APPBP2: variants seen among roughly 807,000 people sequenced by gnomAD.
APPBP2 encodes amyloid protein-binding protein 2.
Under a neutral mutation model 76.0 loss-of-function variants are expected in APPBP2, and 15 were observed. That is an observed-to-expected ratio of 0.20 (90% CI 0.13 to 0.30). The LOEUF is 0.30. Ranked by LOEUF, APPBP2 falls within the 10% of genes least tolerant of loss-of-function variation. The pLI is 1.00. For synonymous variants in APPBP2, 222 were observed against 242.2 expected (o/e 0.92, Z 0.77); for missense variants, 401 against 687.2 (o/e 0.58, Z 4.66).
chr17:60,522,138 TTC>T (rs554931187), intron 1 of APPBP2, among the ~76,000 whole-genome samples: 11 of 152,070 alleles, frequency 7.2e-5, no homozygotes, highest in African/African-American at 2.7e-4. Context: ...TTGTGTAGGG[TTC>T]TGATTTTTAT....
chr17:60,448,040 G>A (rs552990702), intron 12 of APPBP2, among the ~76,000 whole-genome samples: 3 of 152,184 alleles, frequency 2.0e-5, no homozygotes, highest in African/African-American at 4.8e-5. Flanking sequence ...AAATTTTCTC[G>A]TCTAAAGAAG....
At chr17:60,485,277 G>C (rs1044465484) in intron 3 of APPBP2, among the ~76,000 whole-genome samples, 4 of 152,194 alleles carry the variant, frequency 2.6e-5, no homozygotes, top group African/African-American at 9.6e-5. Context: ...AGAAGGAATG[G>C]TACCAGCTCC....
rs370656800 is a variant in APPBP2 at position 60,479,292 on chromosome 17, A to T, written c.380-21T>A. The stretch of plus-strand genomic sequence containing the variant: ...GCCACCTAAAAAAATAAGAAACACC[A>T]ATTTTAGAAAACTTGATAAATAGCC... On this transcript the variant is annotated intron_variant, in intron 3 of 12. Transcript: ENST00000083182. 109 of 1,582,986 alleles carry T rather than the reference A, an allele frequency of 6.9e-5. 1 individual carries two copies. Among genetic ancestry groups the T allele is most frequent in the Non-Finnish European group, 9.0e-5 (106 of 1,171,432 alleles).
At chr17:60,458,770 G>GTT (rs1039631344) in intron 9 of APPBP2, among the ~76,000 whole-genome samples, 1 of 140,836 alleles carries the variant, frequency 7.1e-6, no homozygotes. Flanking sequence ...AGAAGTTCTG[G>GTT]TTTTTTTTTT....
intron 1 of APPBP2, among the ~76,000 whole-genome samples, chr17:60,519,461 T>G (rs1335775351): frequency 6.6e-6 from 1 of 151,906 alleles, no homozygotes; most frequent in Non-Finnish European, 1.5e-5. Flanking sequence ...AAAAAATTTT[T>G]AAGGTTTTTT....
At chr17:60,498,669 A>G (rs2090797168) in intron 2 of APPBP2, among the ~76,000 whole-genome samples, 1 of 152,220 alleles carries the variant, frequency 6.6e-6, no homozygotes. Context: ...GGGAAAAAAA[A>G]GCCAGACACA....
chr17:60,465,402 A>G (rs563088988), intron 5 of APPBP2, among the ~76,000 whole-genome samples: 4 of 152,312 alleles, frequency 2.6e-5, no homozygotes, highest in South Asian at 2.1e-4. Context: ...TCATCAAACC[A>G]TGTCTGTAAG....
chr17:60,481,414 G>A (rs1349440664), intron 3 of APPBP2, among the ~76,000 whole-genome samples: 1 of 152,150 alleles, frequency 6.6e-6, no homozygotes, highest in African/African-American at 2.4e-5. Flanking sequence ...AACACAGTGA[G>A]ACCCTGTCTC....
intron 1 of APPBP2, among the ~76,000 whole-genome samples, chr17:60,508,425 T>C (rs984965853): frequency 1.3e-5 from 2 of 151,960 alleles, no homozygotes; most frequent in African/African-American, 2.4e-5. Flanking sequence ...TTTGGATAAA[T>C]AGCTAAATTG....
chr17:60,500,232 G>A (rs560990108), intron 2 of APPBP2, among the ~76,000 whole-genome samples, 167 bp downstream of exon 2: 23 of 152,062 alleles, frequency 1.5e-4, no homozygotes, highest in African/African-American at 5.1e-4. Flanking sequence ...GGAAGGTCTC[G>A]ATCTGACCTC....
intron 1 of APPBP2, among the ~76,000 whole-genome samples, chr17:60,512,187 C>T (rs1470506093): frequency 6.6e-6 from 1 of 151,662 alleles, no homozygotes; most frequent in Non-Finnish European, 1.5e-5. Context: ...ACTGCAAGCT[C>T]TGCTTCCCGG....
chr17:60,464,329 A>T (rs2090495871), intron 5 of APPBP2, among the ~76,000 whole-genome samples: 1 of 152,190 alleles, frequency 6.6e-6, no homozygotes, highest in Non-Finnish European at 1.5e-5. Context: ...GACGTTGTGG[A>T]TACATGACAT....
At chr17:60,503,448 C>A (rs1046125537) in intron 1 of APPBP2, among the ~76,000 whole-genome samples, 1 of 144,088 alleles carries the variant, frequency 6.9e-6, no homozygotes, top group Non-Finnish European at 1.5e-5. Context: ...AGTACAGTGG[C>A]GTGACTGACT....
chr17:60,524,703 TA>T (rs2091037721), intron 1 of APPBP2, among the ~76,000 whole-genome samples: 1 of 149,730 alleles, frequency 6.7e-6, no homozygotes, highest in South Asian at 2.1e-4. Context: ...TGTACATACG[TA>T]AGAACATAAA....
At chr17:60,496,608 AT>A (rs931031915) in intron 2 of APPBP2, among the ~76,000 whole-genome samples, 7 of 151,758 alleles carry the variant, frequency 4.6e-5, no homozygotes, top group South Asian at 2.1e-4. Flanking sequence ...TATTTATTAG[AT>A]TTTTTTTTAC....
intron 4 of APPBP2, among the ~76,000 whole-genome samples, chr17:60,475,386 T>C (rs2090582281): frequency 6.6e-6 from 1 of 152,168 alleles, no homozygotes; most frequent in African/African-American, 2.4e-5. Flanking sequence ...ATTACAGGCA[T>C]GAGGTACCAT....
At chr17:60,469,635 T>C (rs1007484841) in intron 4 of APPBP2, among the ~76,000 whole-genome samples, 8 of 152,206 alleles carry the variant, frequency 5.3e-5, no homozygotes, top group African/African-American at 1.9e-4. Flanking sequence ...AGTGGAACCA[T>C]ACAATATTTG....
Position 60,526,086 on chromosome 17 carries a change from G to A in APPBP2, c.-155C>T. On this transcript the variant is annotated 5_prime_UTR_variant, in exon 1 of 13. Coordinates refer to ENST00000083182, the MANE Select transcript of APPBP2 (RefSeq NM_006380.5). ...AGGCACGGCCGCCCTGCCTCCTCCG[G>A]GGGCAAACTGAGGGACGGCGGCAGC... The A allele has an allele frequency of 1.5e-6, 1 of 686,826 alleles. No individual in the cohort carries two copies. Among genetic ancestry groups the A allele is most frequent in the Non-Finnish European group, 2.4e-6 (1 of 413,836 alleles). The allele number at this position is 686,826 out of a possible 1,614,324, so 42.5% of individuals were successfully genotyped here. A position where few individuals can be genotyped will look rare whatever the true frequency, so the allele number is the denominator to read the frequency against.
intron 12 of APPBP2, among the ~76,000 whole-genome samples, chr17:60,448,644 C>T (rs983441560): frequency 1.3e-5 from 2 of 152,166 alleles, no homozygotes; most frequent in Non-Finnish European, 2.9e-5. Context: ...TTTCTGGGCT[C>T]TCTGTAACGG....
Sources: allele counts gnomAD v4.1 joint callset (sites outside exome capture counted in the v4.1 genomes callset), GRCh38; gene constraint gnomAD v4.1.1; transcripts MANE v1.5; gene names NCBI Gene and HGNC (gene_info 2026-07-23, HGNC 2026-07-21).